The following DLG2 variants were observed in gnomAD, a reference collection of about 807,000 sequenced individuals.
DLG2 encodes the protein disks large homolog 2.
In DLG2, 45 loss-of-function variants were observed where a neutral mutation model predicts 132.5. That is an observed-to-expected ratio of 0.34 (90% CI 0.27 to 0.44). The LOEUF (loss-of-function observed/expected upper bound fraction) is 0.44, where lower values mean the gene tolerates loss of function less well. Among genes scored for constraint, DLG2 ranks in the 20% least tolerant of loss-of-function variants. The pLI, the probability that DLG2 is intolerant of heterozygous loss-of-function variation, is 1.00. For missense variants in DLG2, 1,045 were observed against 1,196.9 expected (o/e 0.87, Z 1.87); for synonymous variants, 424 against 419.6 (o/e 1.01, Z -0.13).
intron 8 of DLG2, among the ~76,000 whole-genome samples, chr11:84,198,097 A>G (rs1447579898): frequency 2.0e-5 from 3 of 152,172 alleles, no homozygotes; most frequent in Non-Finnish European, 4.4e-5. Context: ...CTGTATAAAT[A>G]CAGGTATAGA....
At chr11:84,468,485 C>T (rs759308513) in intron 7 of DLG2, among the ~76,000 whole-genome samples, 2 of 151,500 alleles carry the variant, frequency 1.3e-5, no homozygotes, top group Non-Finnish European at 3.0e-5. Flanking sequence ...ACCCATGCTG[C>T]AATGATTTAA....
intron 8 of DLG2, among the ~76,000 whole-genome samples, chr11:84,211,833 T>A (rs1034781280): frequency 6.6e-5 from 10 of 152,258 alleles, no homozygotes; most frequent in Middle Eastern, 3.4e-3. Flanking sequence ...ATATTCAGAC[T>A]TTTTTTGCTG....
intron 4 of DLG2, among the ~76,000 whole-genome samples, chr11:85,275,023 A>G (rs1212302158): frequency 6.6e-6 from 1 of 152,178 alleles, no homozygotes; most frequent in East Asian, 1.9e-4. Context: ...AAGATACCCT[A>G]TCCTTCATTC....
chr11:85,547,033 T>C (rs1345043570), intron 3 of DLG2, among the ~76,000 whole-genome samples: 1 of 152,170 alleles, frequency 6.6e-6, no homozygotes, highest in Non-Finnish European at 1.5e-5. Context: ...TGTGTGAATT[T>C]AATCCCTCCA....
intron 6 of DLG2, among the ~76,000 whole-genome samples, chr11:84,552,570 T>C (rs1295074409): frequency 6.6e-6 from 1 of 152,232 alleles, no homozygotes; most frequent in East Asian, 1.9e-4. Flanking sequence ...AACTCATAGT[T>C]ACCTGTGCAC....
At chr11:84,714,553 C>CTTTCTCTTTCTCTT in intron 6 of DLG2, among the ~76,000 whole-genome samples, 1 of 109,250 alleles carries the variant, frequency 9.2e-6, no homozygotes, top group South Asian at 3.1e-4. Context: ...TTCTCTTTCT[C>CTTTCTCTTTCTCTT]TCTCTTTCTC....
At chr11:85,246,222 A>C (rs1258967860) in intron 4 of DLG2, among the ~76,000 whole-genome samples, 1 of 152,000 alleles carries the variant, frequency 6.6e-6, no homozygotes, top group South Asian at 2.1e-4. Context: ...AACTCAAAAA[A>C]TAAGTATCAA....
intron 6 of DLG2, among the ~76,000 whole-genome samples, chr11:85,042,265 T>C (rs2061941493): frequency 6.6e-6 from 1 of 151,876 alleles, no homozygotes; most frequent in Admixed American, 6.6e-5. Context: ...CTGAAAACTA[T>C]AAAAATAAAT....
At chr11:85,550,404 C>A (rs984419838) in intron 3 of DLG2, among the ~76,000 whole-genome samples, 8 of 152,258 alleles carry the variant, frequency 5.3e-5, no homozygotes, top group Admixed American at 5.2e-4. Context: ...GTGCTGCCAG[C>A]GCGCAAAGGT....
At chr11:83,787,323 GTT>G (rs1369444931) in intron 17 of DLG2, among the ~76,000 whole-genome samples, 1 of 118,202 alleles carries the variant, frequency 8.5e-6, no homozygotes, top group Non-Finnish European at 1.6e-5. Context: ...TTTTTTTTTT[GTT>G]TTTTTTTTTT....
At chr11:83,838,850 T>C (rs2056887311) in intron 16 of DLG2, among the ~76,000 whole-genome samples, 1 of 152,098 alleles carries the variant, frequency 6.6e-6, no homozygotes, top group African/African-American at 2.4e-5. Flanking sequence ...AAAGTATTTC[T>C]TGTACTCATA....
At chr11:85,098,803 A>G (rs2070362875) in intron 6 of DLG2, among the ~76,000 whole-genome samples, 1 of 152,160 alleles carries the variant, frequency 6.6e-6, no homozygotes, top group African/African-American at 2.4e-5. Context: ...AATGCCATTA[A>G]TTATTTTAAT....
At chr11:84,459,622 T>C (rs1333275258) in intron 7 of DLG2, among the ~76,000 whole-genome samples, 1 of 150,678 alleles carries the variant, frequency 6.6e-6, no homozygotes, top group Admixed American at 6.6e-5. Context: ...TGAACGACAT[T>C]TGACAAGAGT....
At chr11:85,161,703 C>G (rs1031411349) in intron 4 of DLG2, among the ~76,000 whole-genome samples, 5 of 152,200 alleles carry the variant, frequency 3.3e-5, no homozygotes, top group Non-Finnish European at 7.3e-5. Context: ...CTCATGCTCA[C>G]TGGTCTTACC....
At chr11:84,651,316 C>T (rs1375396826) in intron 6 of DLG2, among the ~76,000 whole-genome samples, 1 of 152,162 alleles carries the variant, frequency 6.6e-6, no homozygotes, top group Non-Finnish European at 1.5e-5. Flanking sequence ...TTAAACTGCA[C>T]TCCATATCGT....
chr11:84,040,171 G>T (rs898037108), intron 11 of DLG2, among the ~76,000 whole-genome samples: 6 of 150,348 alleles, frequency 4.0e-5, no homozygotes, highest in Admixed American at 6.6e-5. Flanking sequence ...TTTGTAGGTT[G>T]CCTGTTCACT....
At chr11:83,599,278 C>T (rs915905649) in intron 19 of DLG2, among the ~76,000 whole-genome samples, 2 of 152,316 alleles carry the variant, frequency 1.3e-5, no homozygotes, top group African/African-American at 4.8e-5. Flanking sequence ...CCCCTTCCCT[C>T]ATGCCTAACC....
intron 6 of DLG2, among the ~76,000 whole-genome samples, chr11:85,109,690 G>T (rs2072389757): frequency 6.6e-6 from 1 of 152,100 alleles, no homozygotes; most frequent in Admixed American, 6.6e-5. Context: ...TATTATACAT[G>T]ATTGTGTTTG....
At chr11:84,130,511 C>T (rs1301322973) in intron 9 of DLG2, among the ~76,000 whole-genome samples, 10 of 116,924 alleles carry the variant, frequency 8.6e-5, no homozygotes, top group African/African-American at 3.1e-4. Flanking sequence ...TATATACACA[C>T]ACACACACAC....
Sources: gnomAD v4.1 joint callset for allele counts (sites outside exome capture counted in the v4.1 genomes callset) on GRCh38, gnomAD v4.1.1 for gene constraint, MANE v1.5 for transcripts, NCBI Gene and HGNC (gene_info 2026-07-23, HGNC 2026-07-21) for gene names.